PIWIL1: variants seen among roughly 807,000 people sequenced by gnomAD.
PIWIL1 encodes piwi like RNA-mediated gene silencing 1, also known as piwi-like protein 1.
PIWIL1 carries 73 observed loss-of-function variants against 114.4 expected under a neutral mutation model. The ratio of observed to expected loss-of-function variants is 0.64; its 90% CI spans 0.53 to 0.78. The LOEUF (loss-of-function observed/expected upper bound fraction) is 0.78. Among genes scored for constraint, PIWIL1 ranks in the 30% least tolerant of loss-of-function variants. PIWIL1 has a pLI of 0.00. For synonymous variants in PIWIL1, 375 were observed against 369.0 expected, an observed-to-expected ratio of 1.02 and a Z score of -0.19; for missense variants, 723 against 1,063.1, an observed-to-expected ratio of 0.68 and a Z score of 4.45.
chr12:130,423,280 T>C, the PIWIL1 span, among the ~76,000 whole-genome samples: 1 of 152,152 alleles, frequency 6.6e-6, no homozygotes, highest in South Asian at 2.1e-4. Flanking sequence ...GGATGAGGCG[T>C]GTCTGCTGCA....
chr12:130,392,758 A>G, the PIWIL1 span, among the ~76,000 whole-genome samples: 17 of 114,384 alleles, frequency 1.5e-4, no homozygotes, highest in South Asian at 5.7e-4. Context: ...TACCTGGTGA[A>G]TATTGAATGT....
the PIWIL1 span, among the ~76,000 whole-genome samples, chr12:130,423,582 A>G: frequency 1.3e-5 from 2 of 151,358 alleles, no homozygotes; most frequent in African/African-American, 2.4e-5. Context: ...AAGGCTGATC[A>G]TGGAAAATTT....
intron 10 of PIWIL1, 29 bp downstream of exon 10, chr12:130,354,692 G>C (rs754014143): frequency 6.5e-7 from 1 of 1,546,602 alleles, no homozygotes; most frequent in Admixed American, 2.1e-5. Context: ...TACTCGGAAG[G>C]AAGCCACTGG....
intron 1 of PIWIL1, among the ~76,000 whole-genome samples, chr12:130,340,646 TG>T (rs143005039): frequency 1.4e-5 from 1 of 72,874 alleles, no homozygotes; most frequent in Non-Finnish European, 2.6e-5. Flanking sequence ...GGAGGGGGGG[TG>T]GGGGGAGGGG....
intron 3 of PIWIL1, among the ~76,000 whole-genome samples, chr12:130,343,464 C>A (rs141831436): frequency 6.6e-6 from 1 of 152,110 alleles, no homozygotes; most frequent in Non-Finnish European, 1.5e-5. Flanking sequence ...TCTCACTGCT[C>A]TTTAGGGATT....
At chr12:130,414,318 T>C in the PIWIL1 span, 1 of 1,569,662 alleles carries the variant, frequency 6.4e-7, no homozygotes, top group South Asian at 1.2e-5. Context: ...TGCGAGCAAG[T>C]GGGGGTGAAG....
At chr12:130,361,034 T>G (rs1305764880) in intron 14 of PIWIL1, 146 bp from the exon 15 acceptor site, 1 of 661,062 alleles carries the variant, frequency 1.5e-6, no homozygotes, top group Non-Finnish European at 2.6e-6. Flanking sequence ...GTCCTACTGA[T>G]TAGCTGTGTG....
intron 4 of PIWIL1, 119 bp downstream of exon 4, chr12:130,345,997 C>G (rs917102018): frequency 8.6e-6 from 9 of 1,048,650 alleles, no homozygotes; most frequent in Non-Finnish European, 9.5e-6. Context: ...TTTCGATTTT[C>G]CTCACTTTCT....
chr12:130,414,402 C>T, the PIWIL1 span: 10 of 1,261,832 alleles, frequency 7.9e-6, no homozygotes, highest in Middle Eastern at 2.0e-4. Context: ...AGGATGGCAG[C>T]GGTTCCTTGA....
At chr12:130,340,589 T>C (rs908005774) in intron 1 of PIWIL1, among the ~76,000 whole-genome samples, 2 of 131,124 alleles carry the variant, frequency 1.5e-5, no homozygotes, top group African/African-American at 5.8e-5. Flanking sequence ...TGTGGCCTGG[T>C]TCCGGTACAG....
the PIWIL1 span, among the ~76,000 whole-genome samples, chr12:130,409,155 G>A: frequency 2.6e-5 from 4 of 152,026 alleles, no homozygotes; most frequent in African/African-American, 4.8e-5. Flanking sequence ...TCTTCCCAGC[G>A]TGCAGTACTT....
rs756049757 is a variant in PIWIL1 at position 130,357,009 on chromosome 12, T to C, written c.1496T>C (p.Ile499Thr). Reference sequence around the variant, plus strand: ...AAGCCACTAGATAACTGGCTGTTGATCTATACGCGAAGAAATTATGAAGCA... The same window carrying C: ...AAGCCACTAGATAACTGGCTGTTGACCTATACGCGAAGAAATTATGAAGCA... ...SVKPLDNWLL[I>T]YTRRNYEAAN... Residue 499 changes from isoleucine (I) to threonine (T), a missense_variant, in exon 13 of 21, where the codon ATC becomes ACC. This residue lies in a region of PIWIL1 where 298 missense variants were observed against 420.8 expected (regional missense o/e 0.71). Transcript: ENST00000245255. The C allele has an allele frequency of 6.2e-7, 1 of 1,613,758 alleles. No homozygotes were observed. Among genetic ancestry groups the C allele is most frequent in the Non-Finnish European group, 8.5e-7 (1 of 1,179,812 alleles).
At chr12:130,384,468 A>G in the PIWIL1 span, among the ~76,000 whole-genome samples, 2 of 152,234 alleles carry the variant, frequency 1.3e-5, no homozygotes, top group Non-Finnish European at 2.9e-5. Flanking sequence ...GTACCAGCAC[A>G]TAGGCACGGG....
chr12:130,359,978 G>A (rs190852935), intron 14 of PIWIL1, among the ~76,000 whole-genome samples: 159 of 152,308 alleles, frequency 1.0e-3, no homozygotes, highest in Non-Finnish European at 1.6e-3. Flanking sequence ...CAAGTTGAAA[G>A]TACATATCTA....
In PIWIL1 at chr12:130,355,069, AG is replaced by A. The variant is rs77960993; in HGVS notation, c.1289+68del. On this transcript the variant is annotated intron_variant, in intron 11 of 20. Transcript: ENST00000245255. Reference sequence around the variant, plus strand: ...GTGTTTAGTATTTTATGTGGCTTTGAGGGGTATCTTTTGAGGGAGTGGCAGA... The same window carrying A: ...GTGTTTAGTATTTTATGTGGCTTTGAGGGTATCTTTTGAGGGAGTGGCAGA... The A allele has an allele frequency of 4.0e-3, 3,960 of 994,948 alleles. 63 individuals carry two copies. Among genetic ancestry groups the A allele is most frequent in the African/African-American group, 0.034 (2,116 of 62,564 alleles). The allele number at this position is 994,948 out of a possible 1,614,324, so 61.6% of individuals were successfully genotyped here.
the PIWIL1 span, chr12:130,397,283 A>T: frequency 5.0e-6 from 2 of 397,520 alleles, no homozygotes; most frequent in East Asian, 7.1e-5. Flanking sequence ...TTTTTTAGGA[A>T]GTACTTGAGT....
At chr12:130,410,037 C>T in the PIWIL1 span, among the ~76,000 whole-genome samples, 3 of 152,258 alleles carry the variant, frequency 2.0e-5, no homozygotes, top group South Asian at 4.1e-4. Flanking sequence ...ACCTGGCACA[C>T]TTTGTGCCCA....
At chr12:130,348,365 C>T (rs1040826461) in intron 7 of PIWIL1, among the ~76,000 whole-genome samples, 182 bp downstream of exon 7, 21 of 152,130 alleles carry the variant, frequency 1.4e-4, no homozygotes, top group Admixed American at 1.2e-3. Flanking sequence ...TAAAAAATCA[C>T]GTAATTTACC....
chr12:130,385,723 T>A, the PIWIL1 span, among the ~76,000 whole-genome samples: 72 of 152,326 alleles, frequency 4.7e-4, no homozygotes, highest in African/African-American at 1.4e-3. Flanking sequence ...AAAACAGACA[T>A]GTTTGTTATT....
Sources: gnomAD v4.1 joint callset for allele counts (sites outside exome capture counted in the v4.1 genomes callset) on GRCh38, gnomAD v4.1.1 for gene constraint, gnomAD v4.1.1 regional missense constraint, MANE v1.5 for transcripts, NCBI Gene and HGNC (gene_info 2026-07-23, HGNC 2026-07-21) for gene names.